Variants in NISCH observed in about 807,000 individuals in gnomAD.
The protein encoded by NISCH is I-1 receptor candidate protein.
Under a neutral mutation model 138.4 loss-of-function variants are expected in NISCH, and 55 were observed. That is an observed-to-expected ratio of 0.40 (90% CI 0.32 to 0.50). The LOEUF (loss-of-function observed/expected upper bound fraction) is 0.50, where lower values mean the gene tolerates loss of function less well. Among genes scored for constraint, NISCH ranks in the 20% least tolerant of loss-of-function variants. NISCH has a pLI of 0.71. For synonymous variants in NISCH, 860 were observed against 861.5 expected, an observed-to-expected ratio of 1.00 and a Z score of 0.03; for missense variants, 1,643 against 2,005.5, an observed-to-expected ratio of 0.82 and a Z score of 3.45.
chr3:52,472,357 C>T lies in NISCH; in HGVS notation c.628C>T (p.Pro210Ser), dbSNP rs147030604. The T allele has an allele frequency of 1.9e-6, 3 of 1,614,044 alleles. No homozygotes were observed. In the African/African-American group the frequency reaches 4.0e-5, roughly 22 times the overall value. ...CAGCAACATTCAGGAGCAGCTCCTG[C>T]CGTTCGACCTATCAATATTCAAGTC... Reference protein sequence around the residue: ...GTSNIQEQLLPFDLSIFKSLH... With the variant: ...GTSNIQEQLLSFDLSIFKSLH... Residue 210 changes from proline (P) to serine (S), a missense_variant, in exon 6 of 21, where the codon CCG becomes TCG. Pro to Ser is a moderately conservative substitution (Grantham distance 74). Transcript: ENST00000345716.
intron 16 of NISCH, among the ~76,000 whole-genome samples, chr3:52,488,901 T>C (rs1707487080): frequency 6.6e-6 from 1 of 152,220 alleles, no homozygotes; most frequent in Admixed American, 6.5e-5. Flanking sequence ...CACCTTTGCC[T>C]GCCCAGTGGG....
In NISCH at chr3:52,491,413, C is replaced by T; in HGVS notation, c.3804C>T (p.Phe1268=). ...GGGACAGCTACCTGACGCACTGCTT[C>T]CTCCAGCACCTCATGGTCGTGCTGT... The part of the protein sequence containing the change: ...LTRDSYLTHC[F]LQHLMVVLSS... Residue 1268 remains phenylalanine (F), a synonymous_variant, in exon 20 of 21, where the codon TTC becomes TTT. Transcript: ENST00000345716. 6.2e-7 allele frequency: 1 copy of T among 1,613,400 alleles called. No individual in the cohort carries two copies. Among genetic ancestry groups the T allele is most frequent in the Non-Finnish European group, 8.5e-7 (1 of 1,179,974 alleles).
chr3:52,471,738 A>G (rs934330446), intron 4 of NISCH, 76 bp from the exon 5 acceptor site: 18 of 1,424,144 alleles, frequency 1.3e-5, no homozygotes, highest in Non-Finnish European at 1.7e-5. Flanking sequence ...TTGTTGACAG[A>G]AAAGGTGGAA....
chr3:52,479,909 G>C, intron 12 of NISCH, 47 bp downstream of exon 12: 1 of 1,475,938 alleles, frequency 6.8e-7, no homozygotes, highest in Non-Finnish European at 9.4e-7. Context: ...GAGCCAGCCG[G>C]GATAGGAGCC....
intron 8 of NISCH, 56 bp from the exon 9 acceptor site, chr3:52,477,517 AC>A: frequency 6.9e-7 from 1 of 1,456,192 alleles, no homozygotes. Context: ...TGTGTCGGGG[AC>A]CGTGTTTGGG....
In NISCH at chr3:52,457,485, C is replaced by T. The variant is rs146574617; in HGVS notation, c.94-358C>T. On this transcript the variant is annotated intron_variant, in intron 1 of 20. Transcript: ENST00000345716. ...GAAGAAATGGCCTTGCCTGCAGCTCCGGTTGGGTTTTGAGTTACCTAGAGG... is the reference window on the plus strand; with the variant it reads ...GAAGAAATGGCCTTGCCTGCAGCTCTGGTTGGGTTTTGAGTTACCTAGAGG... Among the ~76,000 whole-genome samples the T allele has an allele frequency of 1.2e-3, 181 of 152,310 alleles. 2 individuals are homozygous for T. The highest frequency in any genetic ancestry group is 3.9e-3 in the African/African-American group (164 of 41,558).
chr3:52,473,171 A>C (rs780485568), intron 6 of NISCH, among the ~76,000 whole-genome samples: 8 of 152,342 alleles, frequency 5.3e-5, no homozygotes, highest in Non-Finnish European at 8.8e-5. Context: ...ACAGTGGTCT[A>C]GGGAAACTTG....
At position 52,487,305 on chromosome 3, in the gene NISCH, C is replaced by T. The variant is rs765228475; in HGVS notation, c.1813C>T (p.Arg605Cys). The change falls in exon 16 of 21, where the codon CGC becomes TGC. Residue 605 changes from arginine (R) to cysteine (C), a missense_variant. By Grantham distance (180) the Arg-to-Cys change is radical. Coordinates refer to ENST00000345716, the MANE Select transcript of NISCH (RefSeq NM_007184.4). The surrounding 1 kb of genome is among the most constrained non-coding windows in gnomAD (Gnocchi z 9.1). ...GGCCACCAATCAGGACTTCATCCAG[C>T]GCCTGAGCACACTGATCCGGCAGGC... ...YTATNQDFIQRLSTLIRQAIE... is the reference protein window; with the variant it reads ...YTATNQDFIQCLSTLIRQAIE... 2.0e-5 allele frequency: 33 copies of T among 1,614,042 alleles called. No individual in the cohort carries two copies. Among genetic ancestry groups the T allele is most frequent in the South Asian group, 9.9e-5 (9 of 91,090 alleles).
At chr3:52,488,726 GCCCCTCGCCCC>G in intron 16 of NISCH, 121 bp downstream of exon 16, 1 of 752,346 alleles carries the variant, frequency 1.3e-6, no homozygotes, top group Non-Finnish European at 2.0e-6. Context: ...CTCCCCCCCT[GCCCCTCGCCCC>G]CCCCGGGCCT....
rs1164781287 is a variant in NISCH, at chr3:52,490,382, G to C, written c.3613+151G>C. 5 of 906,676 alleles carry C rather than the reference G, an allele frequency of 5.5e-6. No homozygotes were observed. In the Admixed American group the frequency reaches 1.2e-4, roughly 21 times the overall value. The allele number at this position is 906,676 out of a possible 1,614,324, so 56.2% of individuals were successfully genotyped here. ...GAGAGTTCCTTGTCTGAGGAAGGGA[G>C]CTGTCATGAGGGAGGGGTCCATGGC... is the stretch of plus-strand genomic sequence containing the variant. On this transcript the variant is annotated intron_variant, in intron 18 of 20. Coordinates refer to ENST00000345716, the MANE Select transcript of NISCH (RefSeq NM_007184.4).
chr3:52,477,034 CAAAAG>C (rs1024559946), intron 8 of NISCH, among the ~76,000 whole-genome samples: 4 of 150,740 alleles, frequency 2.7e-5, no homozygotes, highest in African/African-American at 9.8e-5. Flanking sequence ...GACTCCGTCT[CAAAAG>C]AAGAAAAAAA....
intron 16 of NISCH, 117 bp from the exon 17 acceptor site, chr3:52,489,219 C>T: frequency 7.9e-7 from 1 of 1,270,136 alleles, no homozygotes; most frequent in Non-Finnish European, 1.1e-6. Flanking sequence ...GGTGGAAGTC[C>T]CCAGTAACCC....
In NISCH at chr3:52,487,604, C is replaced by T. The variant is rs760808586; in HGVS notation, c.2112C>T (p.His704=). Reference sequence around the variant, plus strand: ...CGGACGAGGACTTCCTGCTGGAGCACATCCGCATCCTCAAGGTGCTGTGGT... The same window carrying T: ...CGGACGAGGACTTCCTGCTGGAGCATATCCGCATCCTCAAGGTGCTGTGGT... ...LGADEDFLLE[H]IRILKVLWCF... The change falls in exon 16 of 21, where the codon CAC becomes CAT. Residue 704 remains histidine, a synonymous_variant. Transcript: ENST00000345716. The surrounding 1 kb of genome is among the most constrained non-coding windows in gnomAD (Gnocchi z 9.1). 7 of 1,613,916 alleles carry T rather than the reference C, an allele frequency of 4.3e-6. No individual in the cohort carries two copies. Among genetic ancestry groups the T allele is most frequent in the South Asian group, 2.2e-5 (2 of 91,088 alleles).
At chr3:52,483,638 G>A (rs1401864257) in intron 13 of NISCH, among the ~76,000 whole-genome samples, 1 of 152,266 alleles carries the variant, frequency 6.6e-6, no homozygotes, top group Non-Finnish European at 1.5e-5. Flanking sequence ...CCTGTGGTAA[G>A]TGGGACTGTG....
In NISCH at chr3:52,490,212, C is replaced by G; in HGVS notation, c.3594C>G (p.Tyr1198Ter). The change falls in exon 18 of 21, where the codon TAC (tyrosine) becomes TAG (stop). Residue 1198 changes from tyrosine (Y) to a stop codon, truncating the protein, a stop_gained. Coordinates refer to ENST00000345716, the MANE Select transcript of NISCH (RefSeq NM_007184.4). LOFTEE classifies it high-confidence loss of function. ...YFVLHDGLRR[Y>*]FSEPLQDFWH... ...TGCTCCACGACGGCCTCCGCCGCTA[C>G]TTCTCAGAGCCACTGCAGGGTAGGC... is the stretch of plus-strand genomic sequence containing the variant. 6.2e-7 allele frequency: 1 copy of G among 1,612,970 alleles called. No individual in the cohort carries two copies. The highest frequency in any genetic ancestry group is 8.5e-7 in the Non-Finnish European group (1 of 1,180,004).
intron 3 of NISCH, among the ~76,000 whole-genome samples, chr3:52,460,525 C>T (rs1247570650): frequency 6.6e-6 from 1 of 151,960 alleles, no homozygotes. Context: ...CCTCAACTTC[C>T]CAAGTAGCTG....
intron 6 of NISCH, among the ~76,000 whole-genome samples, chr3:52,473,422 C>T (rs1707005135): frequency 6.6e-6 from 1 of 152,144 alleles, no homozygotes; most frequent in Non-Finnish European, 1.5e-5. Flanking sequence ...CCTTGTTCTC[C>T]CCAGCAGTTT....
At chr3:52,461,549 T>C (rs1002659543) in intron 3 of NISCH, among the ~76,000 whole-genome samples, 2 of 152,198 alleles carry the variant, frequency 1.3e-5, no homozygotes, top group Non-Finnish European at 2.9e-5. Context: ...TAAACTTTAC[T>C]GGTTAGTATT....
At chr3:52,485,863 C>G in intron 15 of NISCH, 36 bp downstream of exon 15, 4 of 1,557,138 alleles carry the variant, frequency 2.6e-6, no homozygotes, top group Non-Finnish European at 3.5e-6. Flanking sequence ...TGGGCCTGGC[C>G]ACACAGCCTT....
Sources: allele counts gnomAD v4.1 joint callset (sites outside exome capture counted in the v4.1 genomes callset), GRCh38; gene constraint gnomAD v4.1.1; non-coding constraint Gnocchi (gnomAD v3.1); transcripts MANE v1.5; gene names NCBI Gene and HGNC (gene_info 2026-07-23, HGNC 2026-07-21).